TLN2: variants seen among roughly 807,000 people sequenced by gnomAD.
TLN2 encodes the protein talin-2.
Under a neutral mutation model 294.7 loss-of-function variants are expected in TLN2, and 118 were observed. The observed-to-expected ratio is 0.40, with a 90% CI of 0.34 to 0.47. The LOEUF (loss-of-function observed/expected upper bound fraction) is 0.47, where lower values mean the gene tolerates loss of function less well. Among genes scored for constraint, TLN2 ranks in the 20% least tolerant of loss-of-function variants. The pLI is 0.84. For synonymous variants in TLN2, 1,431 were observed against 1,304.5 expected (o/e 1.10, Z -2.09); for missense variants, 3,083 against 3,282.2 (o/e 0.94, Z 1.48).
At chr15:62,482,560 C>A (rs995418517) in intron 1 of TLN2, among the ~76,000 whole-genome samples, 1 of 146,642 alleles carries the variant, frequency 6.8e-6, no homozygotes, top group Non-Finnish European at 1.5e-5. Flanking sequence ...CGAGATCGTG[C>A]CATCGCACTC....
In TLN2 at chr15:62,840,504, T is replaced by C. The variant is rs1425009915; in HGVS notation, c.7523T>C (p.Met2508Thr). ...TAGATCATCGCCGCCCAGGAAGAAA[T>C]GCTAAAGAAAGAGCGAGAACTGGAA... ...IAQIIAAQEE[M>T]LKKERELEEA... Residue 2508 changes from methionine to threonine, a missense_variant, in exon 59 of 59, where the codon ATG becomes ACG. By Grantham distance (81) the Met-to-Thr change is moderately conservative. Coordinates refer to ENST00000636159, the MANE Select transcript of TLN2 (RefSeq NM_015059.3). 6 of 1,613,798 alleles carry C rather than the reference T, an allele frequency of 3.7e-6. No individual in the cohort carries two copies. The highest frequency in any genetic ancestry group is 5.1e-6 in the Non-Finnish European group (6 of 1,179,990).
intron 53 of TLN2, 79 bp downstream of exon 53, chr15:62,819,700 C>A (rs2067402751): frequency 1.5e-6 from 2 of 1,304,620 alleles, no homozygotes; most frequent in Non-Finnish European, 2.1e-6. Flanking sequence ...AGAGGAAAAG[C>A]ACAGACGGCA....
chr15:62,456,367 G>T (rs1029597925), intron 1 of TLN2, among the ~76,000 whole-genome samples: 12 of 152,164 alleles, frequency 7.9e-5, no homozygotes, highest in African/African-American at 2.9e-4. Context: ...AGCCTCAGCC[G>T]CACGGAAGGT....
chr15:62,542,665 G>T (rs376770820), intron 1 of TLN2, among the ~76,000 whole-genome samples: 1 of 152,110 alleles, frequency 6.6e-6, no homozygotes, highest in Non-Finnish European at 1.5e-5. Flanking sequence ...CAACCATGGG[G>T]TGTGTTTCAG....
chr15:62,548,799 A>C (rs2042132702), intron 1 of TLN2, among the ~76,000 whole-genome samples: 1 of 152,224 alleles, frequency 6.6e-6, no homozygotes, highest in Non-Finnish European at 1.5e-5. Context: ...AGGAAAATCT[A>C]TCCAGGCAGA....
chr15:62,569,159 G>A (rs73429748), intron 1 of TLN2, among the ~76,000 whole-genome samples: 34,462 of 152,094 alleles, frequency 0.23, 4,324 homozygotes, highest in East Asian at 0.55. Context: ...TTCTAAGGTC[G>A]CTTCTCATTG....
In TLN2 at chr15:62,680,744, CT is replaced by C. The variant is rs570175601; in HGVS notation, c.957+5425del. The stretch of plus-strand genomic sequence containing the variant: ...CTGTAGCCCCACTCCCACCCTTTCC[CT>C]TCTGAGTCTCTAAAGTTCATTATAC... On this transcript the variant is annotated intron_variant, in intron 11 of 58. Coordinates refer to ENST00000636159, the MANE Select transcript of TLN2 (RefSeq NM_015059.3). Among the ~76,000 whole-genome samples the C allele has an allele frequency of 1.7e-3, 257 of 152,180 alleles. 1 individual carries two copies. The highest frequency in any genetic ancestry group is 6.0e-3 in the African/African-American group (251 of 41,510).
intron 32 of TLN2, among the ~76,000 whole-genome samples, chr15:62,742,058 TGTGTGTGTGTGTGTGTGAAGGGTTAGA>T (rs2061367194): frequency 6.7e-6 from 1 of 148,576 alleles, no homozygotes; most frequent in African/African-American, 2.5e-5. Flanking sequence ...TGTGTGTGTG[TGTGTGTGTGTGTGTGTGAAGGGTTAGA>T]CACTGTCAGA....
intron 3 of TLN2, among the ~76,000 whole-genome samples, chr15:62,623,603 G>A (rs1470041807): frequency 6.6e-6 from 1 of 152,146 alleles, no homozygotes; most frequent in Non-Finnish European, 1.5e-5. Context: ...AACTGAGATC[G>A]CCATTTGGTG....
chr15:62,658,130 C>T (rs924784839), intron 9 of TLN2: 3 of 367,226 alleles, frequency 8.2e-6, no homozygotes, highest in African/African-American at 2.1e-5. Context: ...TCCCCCTCCA[C>T]CCCCTTTTTT....
rs921189438 is a variant in TLN2 at position 62,746,642 on chromosome 15, C to T, written c.4026-1709C>T. ...GATATTCTGTGGGAAGCTGCAAAGC[C>T]AATTTAACTAATAAAATGAGGCATC... On this transcript the variant is annotated intron_variant, in intron 32 of 58. Transcript: ENST00000636159. Among the ~76,000 whole-genome samples the T allele has an allele frequency of 3.3e-5, 5 of 152,150 alleles. 1 individual carries two copies. Among genetic ancestry groups the T allele is most frequent in the Admixed American group, 1.3e-4 (2 of 15,282 alleles).
chr15:62,528,388 C>G (rs1030160698), intron 1 of TLN2, among the ~76,000 whole-genome samples: 1 of 125,828 alleles, frequency 7.9e-6, no homozygotes, highest in Non-Finnish European at 1.7e-5. Flanking sequence ...CAAGGAGAAG[C>G]AAGAGGAAGG....
At chr15:62,671,051 T>A (rs79339792) in intron 9 of TLN2, among the ~76,000 whole-genome samples, 2,502 of 152,364 alleles carry the variant, frequency 0.016, 73 homozygotes, top group African/African-American at 0.058. Context: ...TTGAACATGC[T>A]TTCATGTGCC....
intron 1 of TLN2, among the ~76,000 whole-genome samples, chr15:62,452,552 C>G (rs769788260): frequency 2.0e-5 from 3 of 152,204 alleles, no homozygotes; most frequent in Non-Finnish European, 2.9e-5. Flanking sequence ...CCATCCATCT[C>G]CAGAACTCTT....
chr15:62,469,361 T>A (rs1343289550), intron 1 of TLN2, among the ~76,000 whole-genome samples: 1 of 152,228 alleles, frequency 6.6e-6, no homozygotes. Flanking sequence ...AGTTGATCTG[T>A]CTCAAAAGAA....
At chr15:62,619,231 C>T (rs1410664154) in intron 3 of TLN2, among the ~76,000 whole-genome samples, 1 of 152,168 alleles carries the variant, frequency 6.6e-6, no homozygotes, top group Non-Finnish European at 1.5e-5. Context: ...ATGCCATTTA[C>T]TTTCCATGTT....
chr15:62,767,095 T>A (rs894275832), intron 41 of TLN2, among the ~76,000 whole-genome samples: 2 of 152,208 alleles, frequency 1.3e-5, no homozygotes, highest in African/African-American at 4.8e-5. Flanking sequence ...CCTAGCATTT[T>A]ATCAGTGCAG....
chr15:62,496,010 A>G (rs1006977418), intron 1 of TLN2, among the ~76,000 whole-genome samples: 2 of 152,032 alleles, frequency 1.3e-5, no homozygotes, highest in Non-Finnish European at 2.9e-5. Flanking sequence ...TGTGCTTTTT[A>G]TGAAGCTAAA....
chr15:62,656,211 G>T (rs1187698125), intron 8 of TLN2, 125 bp downstream of exon 8: 2 of 1,220,508 alleles, frequency 1.6e-6, no homozygotes, highest in Non-Finnish European at 2.3e-6. Flanking sequence ...TCCAGCAGGC[G>T]CTGCTCGTGG....
Sources: gnomAD v4.1 joint callset for allele counts (sites outside exome capture counted in the v4.1 genomes callset) on GRCh38, gnomAD v4.1.1 for gene constraint, MANE v1.5 for transcripts, NCBI Gene and HGNC (gene_info 2026-07-23, HGNC 2026-07-21) for gene names.